Variants in ASAP1 observed in about 807,000 individuals in gnomAD.
The protein encoded by ASAP1 is arf-GAP with SH3 domain, ANK repeat and PH domain-containing protein 1.
ASAP1 carries 43 observed loss-of-function variants against 145.2 expected under a neutral mutation model. The observed-to-expected ratio is 0.30, with a 90% CI of 0.23 to 0.38. The LOEUF (loss-of-function observed/expected upper bound fraction) is 0.38. ASAP1 is among the 10% of genes least tolerant of loss of function. The pLI is 1.00. For missense variants in ASAP1, 1,018 were observed against 1,355.3 expected, an observed-to-expected ratio of 0.75 and a Z score of 3.91; for synonymous variants, 546 against 515.5, an observed-to-expected ratio of 1.06 and a Z score of -0.80.
At chr8:130,341,075 T>A (rs1219166162) in intron 3 of ASAP1, 3 of 361,124 alleles carry the variant, frequency 8.3e-6, no homozygotes, top group African/African-American at 6.4e-5. Flanking sequence ...GCTGTGAGGG[T>A]GCTTACAGAT....
chr8:130,409,261 CA>C (rs10710342), intron 1 of ASAP1, among the ~76,000 whole-genome samples: 54,318 of 143,114 alleles, frequency 0.38, 10,379 homozygotes, highest in African/African-American at 0.49. Context: ...GACGGTGTCT[CA>C]AAAAAAAAAA....
intron 24 of ASAP1, among the ~76,000 whole-genome samples, chr8:130,092,794 C>T (rs1368351717): frequency 3.3e-5 from 5 of 152,134 alleles, no homozygotes; most frequent in South Asian, 2.1e-4. Flanking sequence ...TCACACACCA[C>T]TACCAGCAAA....
At chr8:130,411,604 C>T (rs1309934878) in intron 1 of ASAP1, among the ~76,000 whole-genome samples, 4 of 152,132 alleles carry the variant, frequency 2.6e-5, no homozygotes, top group Non-Finnish European at 4.4e-5. Context: ...GGGAAACCAC[C>T]CTAAGACAGG....
chr8:130,427,828 G>A (rs547506129), intron 1 of ASAP1: 3 of 152,358 alleles, frequency 2.0e-5, no homozygotes, highest in East Asian at 1.9e-4. Flanking sequence ...ACAACCTGGA[G>A]GTGAAGGAGG....
intron 3 of ASAP1, among the ~76,000 whole-genome samples, chr8:130,354,045 G>A (rs929321359): frequency 3.0e-4 from 46 of 151,948 alleles, no homozygotes; most frequent in African/African-American, 7.2e-4. Flanking sequence ...CTGACAACAC[G>A]CCCAGCTAAT....
At chr8:130,064,960 G>C (rs1324487593) in intron 27 of ASAP1, among the ~76,000 whole-genome samples, 1 of 145,280 alleles carries the variant, frequency 6.9e-6, no homozygotes. Flanking sequence ...CTGCAGTCTC[G>C]GTCTCCCAGG....
At chr8:130,197,205 TTTGC>T (rs1187987511) in intron 5 of ASAP1, among the ~76,000 whole-genome samples, 3 of 152,098 alleles carry the variant, frequency 2.0e-5, no homozygotes, top group Non-Finnish European at 4.4e-5. Flanking sequence ...AGGCAGGTGG[TTTGC>T]TTGAGTTCAG....
intron 3 of ASAP1, among the ~76,000 whole-genome samples, chr8:130,271,095 G>A (rs146204991): frequency 6.6e-6 from 1 of 152,192 alleles, no homozygotes; most frequent in Admixed American, 6.5e-5. Flanking sequence ...CTGCCGGGCT[G>A]CTCTGATTTG....
intron 1 of ASAP1, among the ~76,000 whole-genome samples, chr8:130,427,428 C>T (rs146457316): frequency 6.6e-6 from 1 of 152,198 alleles, no homozygotes; most frequent in South Asian, 2.1e-4. Flanking sequence ...CACCAATAAG[C>T]CCTTGCCGAG....
At position 130,129,620 on chromosome 8, in the gene ASAP1, G is replaced by A. The variant is rs149486266; in HGVS notation, c.1218-1530C>T. ...TGAGTCTCTCATTTTTTTGTATATCGTTGAATGAAATGGATATGAAACAAA... is the reference window on the plus strand; with the variant it reads ...TGAGTCTCTCATTTTTTTGTATATCATTGAATGAAATGGATATGAAACAAA... On this transcript the variant is annotated intron_variant, in intron 15 of 29. Transcript: ENST00000518721. 2.9e-3 allele frequency among the ~76,000 whole-genome samples: 442 copies of A among 152,182 alleles called. 1 individual carries two copies. Among genetic ancestry groups the A allele is most frequent in the African/African-American group, 0.01 (427 of 41,518 alleles).
At chr8:130,131,903 T>C (rs887408318) in intron 15 of ASAP1, among the ~76,000 whole-genome samples, 2 of 152,186 alleles carry the variant, frequency 1.3e-5, no homozygotes, top group Non-Finnish European at 2.9e-5. Context: ...ACCAATCTCT[T>C]AACAAAACTG....
chr8:130,289,207 CA>C (rs943493646), intron 3 of ASAP1, among the ~76,000 whole-genome samples: 18 of 146,604 alleles, frequency 1.2e-4, no homozygotes, highest in East Asian at 6.0e-4. Flanking sequence ...CAAAAACAAA[CA>C]AAAAAAAAAA....
At chr8:130,097,465 T>C (rs1012425184) in intron 24 of ASAP1, among the ~76,000 whole-genome samples, 1 of 152,190 alleles carries the variant, frequency 6.6e-6, no homozygotes, top group Non-Finnish European at 1.5e-5. Flanking sequence ...AGCCTCTTGG[T>C]CACTCCATTT....
intron 17 of ASAP1, among the ~76,000 whole-genome samples, chr8:130,124,890 G>A (rs983437504): frequency 2.6e-5 from 4 of 152,184 alleles, no homozygotes; most frequent in Admixed American, 2.6e-4. Flanking sequence ...CAGGTAATAG[G>A]TCTGTGTCTT....
At chr8:130,143,113 CAT>C (rs1188486539) in intron 13 of ASAP1, among the ~76,000 whole-genome samples, 7 of 152,186 alleles carry the variant, frequency 4.6e-5, no homozygotes, top group African/African-American at 1.7e-4. Flanking sequence ...TGGAGGGACA[CAT>C]TGTTCCTGAA....
chr8:130,219,609 G>A (rs1211527409), intron 4 of ASAP1, among the ~76,000 whole-genome samples: 2 of 152,180 alleles, frequency 1.3e-5, no homozygotes, highest in African/African-American at 4.8e-5. Flanking sequence ...CTACATGCGA[G>A]TGCTAGAAGA....
rs775314731 is a variant in ASAP1, at chr8:130,401,908, C to T, written c.36G>A (p.Ser12=). The part of the protein sequence containing the change: ...RSSASRLSSF[S]SRDSLWNRMP... ...ACCGATTCCATAGTGAATCTCTCGACGAAAAACTGGAGAGCCTGGAGGCTG... is the reference window on the plus strand; with the variant it reads ...ACCGATTCCATAGTGAATCTCTCGATGAAAAACTGGAGAGCCTGGAGGCTG... Residue 12 remains serine (S), a synonymous_variant, in exon 2 of 30, where the codon TCG becomes TCA. Coordinates refer to ENST00000518721, the MANE Select transcript of ASAP1 (RefSeq NM_018482.4). The T allele has an allele frequency of 1.9e-5, 30 of 1,613,538 alleles. No individual in the cohort carries two copies. The South Asian group carries it at 2.0e-4, about 11-fold the overall frequency.
At chr8:130,424,768 C>T (rs1173858729) in intron 1 of ASAP1, among the ~76,000 whole-genome samples, 2 of 151,874 alleles carry the variant, frequency 1.3e-5, no homozygotes, top group South Asian at 2.1e-4. Flanking sequence ...TCAAGGTGGG[C>T]GGATCACGAG....
intron 24 of ASAP1, among the ~76,000 whole-genome samples, chr8:130,105,262 T>C (rs12675543): frequency 0.16 from 24,122 of 152,188 alleles, 2,517 homozygotes; most frequent in East Asian, 0.44. Flanking sequence ...ACCATTTACA[T>C]AGCATTTACA....
Sources: allele counts gnomAD v4.1 joint callset (sites outside exome capture counted in the v4.1 genomes callset), GRCh38; gene constraint gnomAD v4.1.1; transcripts MANE v1.5; gene names NCBI Gene and HGNC (gene_info 2026-07-23, HGNC 2026-07-21).